Variants in FAM135B observed in about 807,000 individuals in gnomAD.
FAM135B encodes protein FAM135B.
A neutral mutation model predicts 127.7 loss-of-function variants in FAM135B; 43 were observed. The ratio of observed to expected loss-of-function variants is 0.34; its 90% CI spans 0.26 to 0.43. The LOEUF is 0.43. Among genes scored for constraint, FAM135B ranks in the 20% least tolerant of loss-of-function variants. The pLI is 1.00. For missense variants in FAM135B, 1,558 were observed against 1,725.6 expected (o/e 0.90, Z 1.72); for synonymous variants, 670 against 665.1 (o/e 1.01, Z -0.11).
At chr8:138,232,013 A>G (rs1018163001) in intron 7 of FAM135B, among the ~76,000 whole-genome samples, 1 of 152,244 alleles carries the variant, frequency 6.6e-6, no homozygotes, top group African/African-American at 2.4e-5. Context: ...AGAAGATTTC[A>G]TCTTCCCATT....
chr8:138,268,514 C>T (rs965316342), intron 3 of FAM135B, among the ~76,000 whole-genome samples: 1 of 152,026 alleles, frequency 6.6e-6, no homozygotes, highest in South Asian at 2.1e-4. Flanking sequence ...GAACAGGTGT[C>T]TTTTTTTACA....
At chr8:138,484,534 G>A (rs944786487) in intron 1 of FAM135B, among the ~76,000 whole-genome samples, 5 of 152,166 alleles carry the variant, frequency 3.3e-5, no homozygotes, top group Admixed American at 6.5e-5. Flanking sequence ...TAGGGCTAAT[G>A]ATGGCCCTGC....
chr8:138,362,917 A>C (rs1445755291), intron 2 of FAM135B, among the ~76,000 whole-genome samples: 1 of 152,218 alleles, frequency 6.6e-6, no homozygotes. Flanking sequence ...GGGAATGAGT[A>C]GATGACCAAA....
intron 1 of FAM135B, chr8:138,441,615 C>A (rs1299037414): frequency 6.6e-6 from 1 of 152,138 alleles, no homozygotes; most frequent in Non-Finnish European, 1.5e-5. Flanking sequence ...GAAAGAATTT[C>A]TGTTTGTTTG....
At chr8:138,386,919 A>G (rs1457229212) in intron 1 of FAM135B, among the ~76,000 whole-genome samples, 1 of 152,104 alleles carries the variant, frequency 6.6e-6, no homozygotes, top group Non-Finnish European at 1.5e-5. Context: ...ATCATACACT[A>G]CAATGAGTGC....
chr8:138,238,525 T>G (rs1820480471), intron 7 of FAM135B, among the ~76,000 whole-genome samples: 1 of 152,128 alleles, frequency 6.6e-6, no homozygotes, highest in African/African-American at 2.4e-5. Flanking sequence ...CCAGGGCTAA[T>G]GAGAAAAAGA....
intron 12 of FAM135B, among the ~76,000 whole-genome samples, chr8:138,162,982 G>A (rs1819541866): frequency 6.6e-6 from 1 of 152,206 alleles, no homozygotes; most frequent in Non-Finnish European, 1.5e-5. Flanking sequence ...CAGAAAGTAA[G>A]TCAGTTGCCA....
chr8:138,269,462 G>A (rs1823198017), intron 3 of FAM135B, among the ~76,000 whole-genome samples: 1 of 152,188 alleles, frequency 6.6e-6, no homozygotes, highest in East Asian at 1.9e-4. Flanking sequence ...AACACCAGAA[G>A]ACAACCCTTT....
intron 1 of FAM135B, among the ~76,000 whole-genome samples, chr8:138,391,185 T>C (rs933110031): frequency 6.7e-6 from 1 of 150,178 alleles, no homozygotes; most frequent in Admixed American, 6.6e-5. Flanking sequence ...GAGCTCCTTG[T>C]TTCTGGTCCC....
chr8:138,383,994 C>T (rs551798932), intron 1 of FAM135B, among the ~76,000 whole-genome samples: 28 of 152,314 alleles, frequency 1.8e-4, no homozygotes, highest in Non-Finnish European at 2.8e-4. Context: ...CAAGTTCATC[C>T]TGTTCTCCCC....
chr8:138,397,041 C>T (rs1366447432), intron 1 of FAM135B, among the ~76,000 whole-genome samples: 1 of 152,168 alleles, frequency 6.6e-6, no homozygotes, highest in Non-Finnish European at 1.5e-5. Context: ...GCCAGGTGTG[C>T]ATCCCTCAGG....
chr8:138,453,616 T>TA (rs1332829703), intron 1 of FAM135B, among the ~76,000 whole-genome samples: 1 of 152,104 alleles, frequency 6.6e-6, no homozygotes, highest in Non-Finnish European at 1.5e-5. Flanking sequence ...GGGTACCACA[T>TA]ACAGTTAAGG....
chr8:138,301,671 A>G (rs1005710536), intron 3 of FAM135B, among the ~76,000 whole-genome samples: 5 of 152,240 alleles, frequency 3.3e-5, no homozygotes, highest in Non-Finnish European at 2.9e-5. Context: ...CATGGTGCCA[A>G]CAACTTGGAG....
At chr8:138,270,028 C>T (rs1256693738) in intron 3 of FAM135B, among the ~76,000 whole-genome samples, 1 of 152,036 alleles carries the variant, frequency 6.6e-6, no homozygotes, top group Non-Finnish European at 1.5e-5. Context: ...ATTGTTTTTC[C>T]AGAGAAGGAC....
rs190976488 is a variant in FAM135B at position 138,393,898 on chromosome 8, C to A, written c.-19-25896G>T. On this transcript the variant is annotated intron_variant, in intron 1 of 19. Transcript: ENST00000395297. ...CCATATCTGGAACCCAGGCCTTCCA[C>A]AAGCACTCCATATGCCTAAGAGCCA... 1.7e-3 allele frequency among the ~76,000 whole-genome samples: 257 copies of A among 152,326 alleles called. 4 individuals carry two copies. Among genetic ancestry groups the A allele is most frequent in the South Asian group, 0.017 (80 of 4,822 alleles).
chr8:138,424,612 A>G lies in FAM135B; in HGVS notation c.-19-56610T>C, dbSNP rs1834732874. Among the ~76,000 whole-genome samples the G allele has an allele frequency of 2.0e-5, 3 of 152,222 alleles. No individual in the cohort carries two copies. The South Asian group carries it at 6.2e-4, about 31-fold the overall frequency. ...CCAGTGCTCTCCCTATTTTAACACTAGAAAATTATGGCTCTGTCAGGTTAT... is the reference window on the plus strand; with the variant it reads ...CCAGTGCTCTCCCTATTTTAACACTGGAAAATTATGGCTCTGTCAGGTTAT... On this transcript the variant is annotated intron_variant, in intron 1 of 19. Transcript: ENST00000395297.
chr8:138,301,956 G>A (rs1825916448), intron 3 of FAM135B, among the ~76,000 whole-genome samples: 1 of 152,132 alleles, frequency 6.6e-6, no homozygotes. Context: ...TGGCACACAG[G>A]AGGCCCTCAA....
chr8:138,143,848 T>C (rs968116065), intron 15 of FAM135B, among the ~76,000 whole-genome samples: 1 of 152,198 alleles, frequency 6.6e-6, no homozygotes, highest in African/African-American at 2.4e-5. Context: ...GTGAATAGGA[T>C]GTCTCACAAA....
At chr8:138,397,814 C>T (rs555492176) in intron 1 of FAM135B, among the ~76,000 whole-genome samples, 14 of 152,240 alleles carry the variant, frequency 9.2e-5, no homozygotes, top group African/African-American at 3.1e-4. Context: ...TCGGGTCCTC[C>T]AGCCTTGGAG....
Sources: gnomAD v4.1 joint callset for allele counts (sites outside exome capture counted in the v4.1 genomes callset) on GRCh38, gnomAD v4.1.1 for gene constraint, MANE v1.5 for transcripts, NCBI Gene and HGNC (gene_info 2026-07-23, HGNC 2026-07-21) for gene names.